Variants in STKLD1 observed in about 807,000 individuals in gnomAD.
The protein encoded by STKLD1 is serine/threonine kinase-like domain-containing protein STKLD1.
In STKLD1, 79 loss-of-function variants were observed where a neutral mutation model predicts 80.4. That is an observed-to-expected ratio of 0.98 (90% CI 0.82 to 1.19). STKLD1 has a LOEUF of 1.19. Among genes scored for constraint, STKLD1 ranks in the 50% most tolerant of loss-of-function variants. STKLD1 has a pLI of 0.00. For missense variants in STKLD1, 841 were observed against 856.0 expected, an observed-to-expected ratio of 0.98 and a Z score of 0.22; for synonymous variants, 393 against 357.6, an observed-to-expected ratio of 1.10 and a Z score of -1.12.
Position 133,395,707 on chromosome 9 carries a change from C to T in STKLD1, c.810C>T (p.Phe270=). The T allele has an allele frequency of 6.2e-7, 1 of 1,613,548 alleles. No homozygotes were observed. Among genetic ancestry groups the T allele is most frequent in the Non-Finnish European group, 8.5e-7 (1 of 1,180,016 alleles). Residue 270 remains phenylalanine, a synonymous_variant, in exon 9 of 18, where the codon TTC becomes TTT. Coordinates refer to ENST00000371957, the MANE Select transcript of STKLD1 (RefSeq NM_153710.5). The part of the protein sequence containing the change: ...EEKQIPDVET[F]RNLLPLMLQI... ...AGCAGATCCCGGATGTGGAAACCTT[C>T]AGGAATCTTCTGCCCTTGATGCTCC...
At position 133,397,215 on chromosome 9, in the gene STKLD1, C is replaced by G. The variant is rs55755378; in HGVS notation, c.918C>G (p.Val306=). 3.3e-4 allele frequency: 525 copies of G among 1,614,030 alleles called. 6 individuals carry two copies. The East Asian group carries it at 6.9e-3, about 21-fold the overall frequency. The change falls in exon 10 of 18, where the codon GTC becomes GTG. Residue 306 remains valine, a synonymous_variant. Coordinates refer to ENST00000371957, the MANE Select transcript of STKLD1 (RefSeq NM_153710.5). ...GAGGCTCCTTCAAGTCCTCGTGCGT[C>G]TCTCTGACCCTGCACCGGCAGATGG... ...FLRGSFKSSC[V]SLTLHRQMVP... is the part of the protein sequence containing the mutation.
intron 16 of STKLD1, among the ~76,000 whole-genome samples, chr9:133,404,287 ACACAT>A (rs1167889099): frequency 6.6e-6 from 1 of 152,160 alleles, no homozygotes; most frequent in Non-Finnish European, 1.5e-5. Flanking sequence ...CTGTCCATAA[ACACAT>A]CACATCTGCA....
chr9:133,395,504 C>G, intron 8 of STKLD1, 96 bp from the exon 9 acceptor site: 2 of 1,389,686 alleles, frequency 1.4e-6, no homozygotes, highest in Non-Finnish European at 1.9e-6. Context: ...CTGGTCTCCT[C>G]CTGGATTTCT....
chr9:133,396,309 C>T (rs925737138), intron 9 of STKLD1, among the ~76,000 whole-genome samples: 4 of 152,152 alleles, frequency 2.6e-5, no homozygotes, highest in African/African-American at 9.7e-5. Context: ...GTGGTGCATG[C>T]CTGTGTTCCC....
In STKLD1 at chr9:133,394,430, C is replaced by T. The variant is rs200678570; in HGVS notation, c.702+21C>T. On this transcript the variant is annotated intron_variant, in intron 8 of 17. Transcript: ENST00000371957. This position sits in a 1 kb window ranked among gnomAD's most constrained non-coding sequence, Gnocchi z 4.9. ...TGGATGTGAGCCGCCCTCCCTCCCC[C>T]ACACCCCACATGCTGTTCCCCACGC... 5 of 1,556,596 alleles carry T rather than the reference C, an allele frequency of 3.2e-6. No homozygotes were observed. The highest frequency in any genetic ancestry group is 4.4e-6 in the Non-Finnish European group (5 of 1,128,232).
intron 1 of STKLD1, among the ~76,000 whole-genome samples, chr9:133,378,562 G>A (rs1237243443): frequency 6.6e-6 from 1 of 152,272 alleles, no homozygotes; most frequent in Non-Finnish European, 1.5e-5. Flanking sequence ...CACAGAGGTA[G>A]CAATGGTGTC....
Position 133,400,341 on chromosome 9 carries a change from G to T in STKLD1, c.1082-72G>T, listed in dbSNP as rs1034408655. 4 of 1,125,544 alleles carry T rather than the reference G, an allele frequency of 3.6e-6. No homozygotes were observed. The East Asian group carries it at 9.4e-5, about 26-fold the overall frequency. 69.7% of individuals were successfully genotyped at this position (1,125,544 alleles called of 1,614,324 possible). ...CCTGCAGGCTCCTACCAGCCTCTGG[G>T]GGCCCTGGTCGGGTCTATATGCCCC... On this transcript the variant is annotated intron_variant, in intron 11 of 17. Coordinates refer to ENST00000371957, the MANE Select transcript of STKLD1 (RefSeq NM_153710.5).
chr9:133,391,515 T>C (rs1360598759), intron 7 of STKLD1, among the ~76,000 whole-genome samples: 1 of 151,676 alleles, frequency 6.6e-6, no homozygotes, highest in Non-Finnish European at 1.5e-5. Flanking sequence ...TTTTGTTCTG[T>C]ACTAAGAAAA....
intron 2 of STKLD1, among the ~76,000 whole-genome samples, chr9:133,383,013 GTAA>G (rs1838177355): frequency 6.7e-6 from 1 of 149,638 alleles, no homozygotes; most frequent in African/African-American, 2.5e-5. Flanking sequence ...GGTGATGGTG[GTAA>G]TGATGGTGAT....
intron 2 of STKLD1, among the ~76,000 whole-genome samples, chr9:133,383,375 T>C (rs1250926769): frequency 1.8e-5 from 1 of 54,220 alleles, no homozygotes; most frequent in Non-Finnish European, 3.7e-5. Flanking sequence ...GCAGTGATGA[T>C]GGTAATGATG....
At chr9:133,388,445 CTA>C (rs1564377969) in intron 5 of STKLD1, among the ~76,000 whole-genome samples, 1 of 152,102 alleles carries the variant, frequency 6.6e-6, no homozygotes, top group East Asian at 1.9e-4. Flanking sequence ...CAAGGTTTTG[CTA>C]TGTTGCCCAG....
chr9:133,402,715 C>T (rs1231398694), intron 13 of STKLD1, among the ~76,000 whole-genome samples, 163 bp from the exon 14 acceptor site: 2 of 152,218 alleles, frequency 1.3e-5, no homozygotes, highest in Non-Finnish European at 2.9e-5. Context: ...TGGGGCCAGT[C>T]CCACATCCTC....
At chr9:133,396,429 C>A (rs1160027679) in intron 9 of STKLD1, among the ~76,000 whole-genome samples, 1 of 151,184 alleles carries the variant, frequency 6.6e-6, no homozygotes, top group African/African-American at 2.4e-5. Flanking sequence ...CAGAGTGAGA[C>A]CCTGTCTCAA....
intron 11 of STKLD1, among the ~76,000 whole-genome samples, chr9:133,399,891 AAAAG>A (rs1156462024): frequency 8.8e-4 from 133 of 151,432 alleles, no homozygotes; most frequent in African/African-American, 3.0e-3. Context: ...AAAAAAAAAA[AAAAG>A]AGGGGGGGGT....
Position 133,390,045 on chromosome 9 carries a change from G to A in STKLD1, c.467+449G>A, listed in dbSNP as rs1373644186. ...CAATATCTTATTTAAAGAGGAAGAGGGAAACTATGCAGCTGGGCGTGGTGG... is the reference window on the plus strand; with the variant it reads ...CAATATCTTATTTAAAGAGGAAGAGAGAAACTATGCAGCTGGGCGTGGTGG... On this transcript the variant is annotated intron_variant, in intron 6 of 17. Transcript: ENST00000371957. The surrounding 1 kb of genome is among the most constrained non-coding windows in gnomAD (Gnocchi z 5.1). Among the ~76,000 whole-genome samples the A allele has an allele frequency of 2.0e-5, 3 of 152,136 alleles. No individual in the cohort carries two copies. Among genetic ancestry groups the A allele is most frequent in the Non-Finnish European group, 4.4e-5 (3 of 68,034 alleles).
intron 5 of STKLD1, chr9:133,388,732 C>T (rs1203135596): frequency 1.0e-6 from 1 of 985,300 alleles, no homozygotes; most frequent in Non-Finnish European, 1.2e-6. Flanking sequence ...ACATTTAGAT[C>T]TTTCATCTAC....
At position 133,376,426 on chromosome 9, in the gene STKLD1, G is replaced by T. The variant is rs2130247398; in HGVS notation, c.-48G>T. On this transcript the variant is annotated 5_prime_UTR_variant, in exon 1 of 18. Coordinates refer to ENST00000371957, the MANE Select transcript of STKLD1 (RefSeq NM_153710.5). ...CCCGCGGGTCCCACTGACCCACGCG[G>T]GGTGGGGCCAGGGGTGGACGCTCGC... 6.6e-7 allele frequency: 1 copy of T among 1,509,438 alleles called. No individual in the cohort carries two copies. The highest frequency in any genetic ancestry group is 8.9e-7 in the Non-Finnish European group (1 of 1,129,638). 93.5% of individuals were successfully genotyped at this position (1,509,438 alleles called of 1,614,324 possible).
At position 133,384,979 on chromosome 9, in the gene STKLD1, G is replaced by A. The variant is rs1319992201; in HGVS notation, c.220-638G>A. The stretch of plus-strand genomic sequence containing the variant: ...ACATTATTGGGTGTATAGTGTGACC[G>A]AAGCACAGTGGTGGGCCCAGGCTAC... On this transcript the variant is annotated intron_variant, in intron 3 of 17. Transcript: ENST00000371957. The surrounding 1 kb of genome is among the most constrained non-coding windows in gnomAD (Gnocchi z 4.3). Among the ~76,000 whole-genome samples the A allele has an allele frequency of 2.6e-5, 4 of 152,142 alleles. No individual in the cohort carries two copies. The highest frequency in any genetic ancestry group is 4.8e-5 in the African/African-American group (2 of 41,428).
At chr9:133,392,679 A>T in intron 7 of STKLD1, among the ~76,000 whole-genome samples, 1 of 93,596 alleles carries the variant, frequency 1.1e-5, no homozygotes, top group Non-Finnish European at 2.1e-5. Context: ...GGGTGAGTGG[A>T]TGGGTGAGTA....
Sources: allele counts gnomAD v4.1 joint callset (sites outside exome capture counted in the v4.1 genomes callset), GRCh38; gene constraint gnomAD v4.1.1; non-coding constraint Gnocchi (gnomAD v3.1); transcripts MANE v1.5; gene names NCBI Gene and HGNC (gene_info 2026-07-23, HGNC 2026-07-21).